Variants in DLGAP4 observed in about 807,000 individuals in gnomAD.
The protein encoded by DLGAP4 is disks large-associated protein 4.
A neutral mutation model predicts 86.9 loss-of-function variants in DLGAP4; 18 were observed. The observed-to-expected ratio is 0.21, with a 90% CI of 0.14 to 0.31. DLGAP4 has a LOEUF of 0.31. DLGAP4 is among the 10% of genes least tolerant of loss of function. The pLI is 1.00. For missense variants in DLGAP4, 1,085 were observed against 1,362.6 expected (o/e 0.80, Z 3.21); for synonymous variants, 548 against 574.3 (o/e 0.95, Z 0.65).
At chr20:36,525,713 ATACT>A (rs2037710228) in intron 11 of DLGAP4, 134 bp from the exon 12 acceptor site, 2 of 1,152,808 alleles carry the variant, frequency 1.7e-6, no homozygotes, top group Non-Finnish European at 2.5e-6. Context: ...ATTCATACAG[ATACT>A]TACCCAGACA....
Position 36,497,231 on chromosome 20 carries a change from C to T in DLGAP4, c.2010+165C>T, listed in dbSNP as rs141494615. 2,884 of 985,418 alleles carry T rather than the reference C, an allele frequency of 2.9e-3. 3 individuals carry two copies. Among genetic ancestry groups the T allele is most frequent in the Non-Finnish European group, 3.2e-3 (2,643 of 829,924 alleles). 61.0% of individuals were successfully genotyped at this position (985,418 alleles called of 1,614,324 possible). A position where few individuals can be genotyped will look rare whatever the true frequency, so the allele number is the denominator to read the frequency against. On this transcript the variant is annotated intron_variant, in intron 8 of 12. Coordinates refer to ENST00000339266, the MANE Select transcript of DLGAP4 (RefSeq NM_001365621.2). ...CCAAACCGAATTCCACCCATAGCCA[C>T]GCCTCGCTGGTATCTGTCCACACGT...
chr20:36,314,055 C>T (rs1290171508), intron 1 of DLGAP4, among the ~76,000 whole-genome samples: 1 of 152,174 alleles, frequency 6.6e-6, no homozygotes, highest in Non-Finnish European at 1.5e-5. Flanking sequence ...TCTGACACTT[C>T]CTCAGGGACC....
chr20:36,435,301 C>G (rs1008736160), intron 3 of DLGAP4, among the ~76,000 whole-genome samples: 2 of 152,168 alleles, frequency 1.3e-5, no homozygotes, highest in African/African-American at 4.8e-5. Context: ...GTTTCCGTAA[C>G]AGTGTGAATG....
intron 2 of DLGAP4, among the ~76,000 whole-genome samples, chr20:36,371,699 A>G (rs560290888): frequency 1.3e-5 from 2 of 152,296 alleles, no homozygotes; most frequent in South Asian, 4.1e-4. Context: ...AAACGGGGCC[A>G]TGGAGCTAAA....
At chr20:36,352,765 G>C (rs2030201350) in intron 1 of DLGAP4, among the ~76,000 whole-genome samples, 1 of 152,202 alleles carries the variant, frequency 6.6e-6, no homozygotes, top group Admixed American at 6.5e-5. Context: ...GGATGTGCCA[G>C]TGAGCAGGAT....
At chr20:36,328,447 C>T (rs1487756880) in intron 1 of DLGAP4, among the ~76,000 whole-genome samples, 2 of 150,054 alleles carry the variant, frequency 1.3e-5, no homozygotes, top group African/African-American at 4.9e-5. Flanking sequence ...AGCAATGGTT[C>T]ATCTTATTTG....
At chr20:36,430,099 T>C (rs1404266913) in intron 2 of DLGAP4, among the ~76,000 whole-genome samples, 2 of 152,228 alleles carry the variant, frequency 1.3e-5, no homozygotes, top group African/African-American at 2.4e-5. Context: ...GACAGGAAGA[T>C]TGAGGCCCAG....
intron 7 of DLGAP4, 52 bp downstream of exon 7, chr20:36,446,989 A>G (rs761510495): frequency 2.6e-6 from 4 of 1,554,174 alleles, no homozygotes; most frequent in Non-Finnish European, 1.7e-6. Context: ...GGGGACCCCA[A>G]GGACCATACC....
At chr20:36,433,195 T>TAAATGAACAGAGTCAG (rs1251030215) in intron 3 of DLGAP4, among the ~76,000 whole-genome samples, 1 of 152,054 alleles carries the variant, frequency 6.6e-6, no homozygotes, top group African/African-American at 2.4e-5. Flanking sequence ...GATGGACAAT[T>TAAATGAACAGAGTCAG]AAATGAACAG....
chr20:36,454,429 C>T (rs1359017364), intron 7 of DLGAP4, among the ~76,000 whole-genome samples: 2 of 151,882 alleles, frequency 1.3e-5, no homozygotes, highest in African/African-American at 2.4e-5. Context: ...GTGAATGGCT[C>T]CCCCCGATAT....
chr20:36,466,400 G>A (rs1245094572), intron 7 of DLGAP4, among the ~76,000 whole-genome samples: 4 of 152,190 alleles, frequency 2.6e-5, no homozygotes, highest in Non-Finnish European at 4.4e-5. Flanking sequence ...TCAGAAGCAA[G>A]TCACCTTTCC....
At chr20:36,385,140 T>G (rs1168530114) in intron 2 of DLGAP4, among the ~76,000 whole-genome samples, 1 of 152,070 alleles carries the variant, frequency 6.6e-6, no homozygotes. Flanking sequence ...CCTAGGAATA[T>G]GGCACCACCA....
chr20:36,432,064 G>A lies in DLGAP4; in HGVS notation c.347G>A (p.Arg116His), dbSNP rs776984875. 26 of 1,614,014 alleles carry A rather than the reference G, an allele frequency of 1.6e-5. No individual in the cohort carries two copies. Among genetic ancestry groups the A allele is most frequent in the African/African-American group, 2.7e-5 (2 of 74,934 alleles). Residue 116 changes from arginine to histidine, a missense_variant, in exon 3 of 13, where the codon CGT becomes CAT. Around this residue, in one of 2 missense-constraint regions of DLGAP4, gnomAD observed 1,082 missense variants for 1,344.1 expected, o/e 0.81. Transcript: ENST00000339266. The surrounding 1 kb of genome is among the most constrained non-coding windows in gnomAD (Gnocchi z 6.5). ...TTTGAGAAGCAGCTGCCCATCCACCGTGATGGCTTCAGCACCCTCCAATTT... is the reference window on the plus strand; with the variant it reads ...TTTGAGAAGCAGCTGCCCATCCACCATGATGGCTTCAGCACCCTCCAATTT... ...DQFEKQLPIH[R>H]DGFSTLQFPR... is the part of the protein sequence containing the mutation.
intron 1 of DLGAP4, among the ~76,000 whole-genome samples, chr20:36,360,009 T>C (rs1274254447): frequency 6.6e-6 from 1 of 152,136 alleles, no homozygotes; most frequent in Non-Finnish European, 1.5e-5. Flanking sequence ...TGCATAAAAC[T>C]CCATTGTCTA....
intron 1 of DLGAP4, among the ~76,000 whole-genome samples, chr20:36,347,675 A>T (rs2029989947): frequency 6.6e-6 from 1 of 151,168 alleles, no homozygotes; most frequent in African/African-American, 2.4e-5. Context: ...AAATTTTAAA[A>T]ATTAGCCCAA....
intron 7 of DLGAP4, among the ~76,000 whole-genome samples, chr20:36,495,930 T>G (rs934517474): frequency 2.6e-5 from 4 of 152,188 alleles, no homozygotes; most frequent in African/African-American, 7.2e-5. Flanking sequence ...TGGAGTGCAA[T>G]GGTGCAACCT....
intron 1 of DLGAP4, among the ~76,000 whole-genome samples, chr20:36,346,905 A>G (rs1354268991): frequency 6.6e-6 from 1 of 152,170 alleles, no homozygotes; most frequent in African/African-American, 2.4e-5. Flanking sequence ...TTCTTGTAAC[A>G]GGGGCCTTCA....
rs1300797102 is a variant in DLGAP4, at chr20:36,316,448, CT to C, written c.-304+9939del. Among the ~76,000 whole-genome samples, 4 of 152,280 alleles carry C rather than the reference CT, an allele frequency of 2.6e-5. No homozygotes were observed. In the East Asian group the frequency reaches 7.7e-4, roughly 29 times the overall value. ...TTCCCTGGAAATCCTTCCCCACAGTCTTTGCTTGGTAACTCTGATTTGTTAC... is the reference window on the plus strand; with the variant it reads ...TTCCCTGGAAATCCTTCCCCACAGTCTTGCTTGGTAACTCTGATTTGTTAC... On this transcript the variant is annotated intron_variant, in intron 1 of 12. Coordinates refer to ENST00000339266, the MANE Select transcript of DLGAP4 (RefSeq NM_001365621.2).
At position 36,432,303 on chromosome 20, in the gene DLGAP4, C is replaced by T. The variant is rs1379842072; in HGVS notation, c.586C>T (p.Arg196Cys). 1.2e-6 allele frequency: 2 copies of T among 1,613,606 alleles called. No individual in the cohort carries two copies. The highest frequency in any genetic ancestry group is 1.3e-5 in the African/African-American group (1 of 74,948). The change falls in exon 3 of 13, where the codon CGC becomes TGC. Residue 196 changes from arginine (R) to cysteine (C), a missense_variant. Transcript: ENST00000339266. The surrounding 1 kb of genome is among the most constrained non-coding windows in gnomAD (Gnocchi z 6.5). Reference sequence around the variant, plus strand: ...GGCCAAGGCTGGGGAGCCCAAACGGCGCAGCCGCTCCAACATCTCAGGCTG... The same window carrying T: ...GGCCAAGGCTGGGGAGCCCAAACGGTGCAGCCGCTCCAACATCTCAGGCTG... ...ERAKAGEPKRRSRSNISGWWS... is the reference protein window; with the variant it reads ...ERAKAGEPKRCSRSNISGWWS...
Sources: allele counts gnomAD v4.1 joint callset (sites outside exome capture counted in the v4.1 genomes callset), GRCh38; gene constraint gnomAD v4.1.1; regional missense constraint gnomAD v4.1.1; non-coding constraint Gnocchi (gnomAD v3.1); transcripts MANE v1.5; gene names NCBI Gene and HGNC (gene_info 2026-07-23, HGNC 2026-07-21).